Variants in CASS4 observed in about 807,000 individuals in gnomAD.
CASS4 encodes cas scaffolding protein family member 4.
Under a neutral mutation model 54.2 loss-of-function variants are expected in CASS4, and 22 were observed. The observed-to-expected ratio is 0.41, with a 90% confidence interval of 0.29 to 0.58. The LOEUF (loss-of-function observed/expected upper bound fraction) is 0.58. CASS4 is among the 20% of genes least tolerant of loss of function. CASS4 has a pLI of 0.36. For missense variants in CASS4, 854 were observed against 986.7 expected (o/e 0.87, Z 1.80); for synonymous variants, 409 against 391.5 (o/e 1.04, Z -0.53).
chr20:56,434,554 A>C (rs1980063829), intron 1 of CASS4, among the ~76,000 whole-genome samples: 1 of 151,740 alleles, frequency 6.6e-6, no homozygotes, highest in Admixed American at 6.6e-5. Context: ...CTTCTGCCTC[A>C]GCCTCCCAAG....
chr20:56,449,318 A>G (rs1387560317), intron 3 of CASS4, among the ~76,000 whole-genome samples: 3 of 152,206 alleles, frequency 2.0e-5, no homozygotes, highest in African/African-American at 7.2e-5. Context: ...AGGAACATGG[A>G]TGAAGCTGGA....
At chr20:56,425,674 G>C (rs1219323214) in intron 1 of CASS4, among the ~76,000 whole-genome samples, 1 of 152,228 alleles carries the variant, frequency 6.6e-6, no homozygotes, top group African/African-American at 2.4e-5. Flanking sequence ...CACCAGCGCA[G>C]GAGTCCTCTT....
intron 1 of CASS4, among the ~76,000 whole-genome samples, chr20:56,415,737 T>C (rs1413047901): frequency 6.6e-6 from 1 of 152,204 alleles, no homozygotes; most frequent in Non-Finnish European, 1.5e-5. Context: ...GACCCTGAAG[T>C]TCGCCTTTGT....
intron 3 of CASS4, among the ~76,000 whole-genome samples, chr20:56,449,672 A>T (rs1980899720): frequency 6.6e-6 from 1 of 151,682 alleles, no homozygotes; most frequent in Admixed American, 6.6e-5. Context: ...AAATAATAAA[A>T]TAAAATAAAA....
At chr20:56,438,086 C>T (rs76049933) in intron 2 of CASS4, among the ~76,000 whole-genome samples, 2,076 of 152,102 alleles carry the variant, frequency 0.014, 42 homozygotes, top group African/African-American at 0.047. Context: ...ACTCAGAGTT[C>T]GGGACCAGCC....
intron 3 of CASS4, among the ~76,000 whole-genome samples, chr20:56,449,298 T>G (rs908582560): frequency 6.6e-6 from 1 of 152,208 alleles, no homozygotes. Context: ...GATGAGTTCA[T>G]GTCCTTTGTA....
In CASS4 at chr20:56,445,967, T is replaced by A. The variant is rs144842767; in HGVS notation, c.527T>A (p.Val176Glu). 3.1e-6 allele frequency: 5 copies of A among 1,614,062 alleles called. No homozygotes were observed. In the African/African-American group the frequency reaches 5.3e-5, roughly 17 times the overall value. The stretch of plus-strand genomic sequence containing the variant: ...ACTCTGCCTTCCCAGGTGTATGACG[T>A]GCCTACCCAGCACCGGGGCCCCGTG... ...LPTLPSQVYD[V>E]PTQHRGPVVL... Residue 176 changes from valine to glutamate, a missense_variant, in exon 3 of 6, where the codon GTG becomes GAG. Val to Glu is a moderately radical substitution (Grantham distance 121). Coordinates refer to ENST00000679887, the MANE Select transcript of CASS4 (RefSeq NM_020356.4).
intron 1 of CASS4, among the ~76,000 whole-genome samples, chr20:56,420,371 T>G (rs1979354524): frequency 6.6e-6 from 1 of 152,152 alleles, no homozygotes; most frequent in South Asian, 2.1e-4. Context: ...AAGTGCTTTG[T>G]GGAATGTTCA....
Position 56,458,844 on chromosome 20 carries a change from A to C in CASS4, c.*97A>C, listed in dbSNP as rs1381091515. ...ATGGGAAAAGCCAGCCGGGGCATAC[A>C]CCAATGAGCTGAAACAGACCTGGTG... On this transcript the variant is annotated 3_prime_UTR_variant, in exon 6 of 6. Coordinates refer to ENST00000679887, the MANE Select transcript of CASS4 (RefSeq NM_020356.4). 6 of 1,258,338 alleles carry C rather than the reference A, an allele frequency of 4.8e-6. No homozygotes were observed. In the East Asian group the frequency reaches 1.5e-4, roughly 32 times the overall value. 77.9% of individuals were successfully genotyped at this position (1,258,338 alleles called of 1,614,324 possible).
rs1384709033 is a variant in CASS4 at position 56,459,130 on chromosome 20, A to C, written c.*383A>C. On this transcript the variant is annotated 3_prime_UTR_variant, in exon 6 of 6. Coordinates refer to ENST00000679887, the MANE Select transcript of CASS4 (RefSeq NM_020356.4). ...CAGTGGCGCGATCTCAGCTCACTGCAACCTCCGCCTTCTGGGTTGAAGCAA... is the reference window on the plus strand; with the variant it reads ...CAGTGGCGCGATCTCAGCTCACTGCCACCTCCGCCTTCTGGGTTGAAGCAA... 5.8e-6 allele frequency: 1 copy of C among 173,408 alleles called. No individual in the cohort carries two copies. The allele number at this position is 173,408 out of a possible 1,614,324, so 10.7% of individuals were successfully genotyped here.
At chr20:56,426,019 T>C (rs1979621232) in intron 1 of CASS4, among the ~76,000 whole-genome samples, 2 of 152,248 alleles carry the variant, frequency 1.3e-5, no homozygotes, top group Admixed American at 1.3e-4. Flanking sequence ...TACATTGTAC[T>C]CCATTATACA....
At chr20:56,444,806 G>T (rs1055385443) in intron 2 of CASS4, among the ~76,000 whole-genome samples, 3 of 152,166 alleles carry the variant, frequency 2.0e-5, no homozygotes, top group African/African-American at 7.2e-5. Context: ...CTGGCCAGGT[G>T]CTCTCAATAA....
In CASS4 at chr20:56,430,811, A is replaced by C. The variant is rs1457137628; in HGVS notation, c.37-6353A>C. Among the ~76,000 whole-genome samples, 3 of 152,202 alleles carry C rather than the reference A, an allele frequency of 2.0e-5. No homozygotes were observed. Among genetic ancestry groups the C allele is most frequent in the Non-Finnish European group, 2.9e-5 (2 of 68,038 alleles). Reference sequence around the variant, plus strand: ...CTGGCGGAAGAGAGTTCTGGGCAGAAGGAACAGCAAAGAAAAGGTCTGAGG... The same window carrying C: ...CTGGCGGAAGAGAGTTCTGGGCAGACGGAACAGCAAAGAAAAGGTCTGAGG... On this transcript the variant is annotated intron_variant, in intron 1 of 5. Coordinates refer to ENST00000679887, the MANE Select transcript of CASS4 (RefSeq NM_020356.4). The surrounding 1 kb of genome is among the most constrained non-coding windows in gnomAD (Gnocchi z 4.2).
intron 2 of CASS4, among the ~76,000 whole-genome samples, chr20:56,445,059 G>A (rs749650806): frequency 4.0e-5 from 6 of 151,848 alleles, no homozygotes; most frequent in African/African-American, 9.7e-5. Flanking sequence ...GCAGTGAGCC[G>A]AGATCGCGCC....
chr20:56,444,919 CGACCAA>C (rs1980632757), intron 2 of CASS4, among the ~76,000 whole-genome samples: 2 of 152,064 alleles, frequency 1.3e-5, no homozygotes, highest in African/African-American at 4.8e-5. Context: ...AAGACCAGCC[CGACCAA>C]TATGGTGAAA....
Position 56,449,172 on chromosome 20 carries a change from C to T in CASS4, c.562-1427C>T, listed in dbSNP as rs574019136. ...GATACATGCACACGTATGTTTATTG[C>T]GGCACTATTCACAATAGCAAAGACT... On this transcript the variant is annotated intron_variant, in intron 3 of 5. Coordinates refer to ENST00000679887, the MANE Select transcript of CASS4 (RefSeq NM_020356.4). 1.7e-3 allele frequency among the ~76,000 whole-genome samples: 259 copies of T among 151,876 alleles called. 2 individuals carry two copies. The highest frequency in any genetic ancestry group is 2.5e-3 in the Non-Finnish European group (167 of 67,994).
intron 5 of CASS4, among the ~76,000 whole-genome samples, chr20:56,456,167 C>T (rs1263235993): frequency 6.6e-6 from 1 of 151,932 alleles, no homozygotes; most frequent in Non-Finnish European, 1.5e-5. Flanking sequence ...TTCTCCATTG[C>T]GTGGTGAACC....
In CASS4 at chr20:56,452,889, A is replaced by G; in HGVS notation, c.1713A>G (p.Glu571=). ...TCATGGTGGCACGGATGCTTCCAGA[A>G]GACATCAAGAGGTTTGCCTCCATTG... ...RFVMVARMLP[E]DIKRFASIVI... Residue 571 remains glutamate, a synonymous_variant, in exon 5 of 6, where the codon GAA becomes GAG. Transcript: ENST00000679887. 6.2e-7 allele frequency: 1 copy of G among 1,614,112 alleles called. No homozygotes were observed. The highest frequency in any genetic ancestry group is 1.1e-5 in the South Asian group (1 of 91,080).
In CASS4 at chr20:56,452,312, A is replaced by C. The variant is rs771526401; in HGVS notation, c.1136A>C (p.His379Pro). ...GAGGTGTCAGAGAATTCCGCGGGCC[A>C]TAATTCCTCATGGTTCTCCAGACGG... ...AKEVSENSAG[H>P]NSSWFSRRTT... The change falls in exon 5 of 6, where the codon CAT becomes CCT. Residue 379 changes from histidine (H) to proline (P), a missense_variant. His to Pro is a moderately conservative substitution (Grantham distance 77). Coordinates refer to ENST00000679887, the MANE Select transcript of CASS4 (RefSeq NM_020356.4). 6.2e-7 allele frequency: 1 copy of C among 1,613,952 alleles called. No homozygotes were observed. The highest frequency in any genetic ancestry group is 1.7e-5 in the Admixed American group (1 of 60,034).
Sources: gnomAD v4.1 joint callset for allele counts (sites outside exome capture counted in the v4.1 genomes callset) on GRCh38, gnomAD v4.1.1 for gene constraint, Gnocchi (gnomAD v3.1) non-coding constraint, MANE v1.5 for transcripts, NCBI Gene and HGNC (gene_info 2026-07-23, HGNC 2026-07-21) for gene names.